ERC2: variants seen among roughly 807,000 people sequenced by gnomAD.
ERC2 encodes ELKS/RAB6-interacting/CAST family member 2.
In ERC2, 42 loss-of-function variants were observed where a neutral mutation model predicts 114.8. That is an observed-to-expected ratio of 0.37 (90% CI 0.29 to 0.47). ERC2 has a LOEUF of 0.47. ERC2 is among the 20% of genes least tolerant of loss of function. The pLI, the probability that ERC2 is intolerant of heterozygous loss-of-function variation, is 0.99. For missense variants in ERC2, 939 were observed against 1,150.7 expected (o/e 0.82, Z 2.66); for synonymous variants, 454 against 425.5 (o/e 1.07, Z -0.82).
intron 2 of ERC2, among the ~76,000 whole-genome samples, chr3:56,316,287 G>A (rs181641712): frequency 1.3e-4 from 20 of 152,278 alleles, no homozygotes; most frequent in African/African-American, 4.8e-4. Context: ...GGAAAGAATT[G>A]CAGGCTTTAT....
intron 16 of ERC2, among the ~76,000 whole-genome samples, chr3:55,696,891 G>A (rs938340677): frequency 2.6e-4 from 40 of 152,234 alleles, no homozygotes; most frequent in African/African-American, 9.4e-4. Flanking sequence ...AATTAAAAAA[G>A]TCTAGCAAAG....
At chr3:55,511,601 A>G (rs1213527306) in intron 17 of ERC2, among the ~76,000 whole-genome samples, 1 of 152,262 alleles carries the variant, frequency 6.6e-6, no homozygotes, top group Non-Finnish European at 1.5e-5. Context: ...GATTATTTCC[A>G]CATAATCGGA....
At chr3:56,115,941 C>T (rs987451031) in intron 6 of ERC2, among the ~76,000 whole-genome samples, 4 of 152,178 alleles carry the variant, frequency 2.6e-5, no homozygotes, top group Non-Finnish European at 5.9e-5. Context: ...AAGGACAGCC[C>T]TTAGGCCCCA....
chr3:55,835,882 G>C (rs1195934890), intron 14 of ERC2, among the ~76,000 whole-genome samples: 1 of 151,592 alleles, frequency 6.6e-6, no homozygotes, highest in African/African-American at 2.4e-5. Flanking sequence ...ATCTCCTTAA[G>C]CTGATAAGCA....
At chr3:56,022,887 T>C (rs2073815590) in intron 7 of ERC2, among the ~76,000 whole-genome samples, 1 of 152,118 alleles carries the variant, frequency 6.6e-6, no homozygotes, top group Non-Finnish European at 1.5e-5. Flanking sequence ...GCTGGGAAGA[T>C]TCAGAAGGAG....
intron 13 of ERC2, among the ~76,000 whole-genome samples, chr3:55,937,871 G>T (rs1448204824): frequency 1.3e-5 from 2 of 152,146 alleles, no homozygotes; most frequent in East Asian, 3.9e-4. Flanking sequence ...ACTCATAAAT[G>T]ACGGGAAGAA....
intron 3 of ERC2, among the ~76,000 whole-genome samples, chr3:56,240,358 TA>T (rs1459254618): frequency 6.6e-6 from 1 of 152,234 alleles, no homozygotes; most frequent in Non-Finnish European, 1.5e-5. Flanking sequence ...CTGAGATGTG[TA>T]AAATAACTAA....
intron 1 of ERC2, among the ~76,000 whole-genome samples, chr3:56,438,549 T>C (rs145013714): frequency 1.3e-5 from 2 of 151,260 alleles, no homozygotes; most frequent in South Asian, 4.2e-4. Context: ...ATAATAATGA[T>C]ATATACTTTT....
intron 2 of ERC2, among the ~76,000 whole-genome samples, chr3:56,393,828 C>A (rs1366291978): frequency 3.9e-5 from 6 of 152,138 alleles, no homozygotes; most frequent in Non-Finnish European, 8.8e-5. Context: ...CTGCCATAAG[C>A]CTCAGTGAAG....
At chr3:55,656,999 T>C (rs1383890029) in intron 17 of ERC2, among the ~76,000 whole-genome samples, 1 of 152,136 alleles carries the variant, frequency 6.6e-6, no homozygotes, top group African/African-American at 2.4e-5. Context: ...GTGGCTTTGA[T>C]GGAAAGAGTG....
At chr3:56,084,867 T>TTA (rs781460052) in intron 6 of ERC2, among the ~76,000 whole-genome samples, 1 of 133,042 alleles carries the variant, frequency 7.5e-6, no homozygotes, top group African/African-American at 2.9e-5. Context: ...ATTTAAAAAT[T>TTA]AAAAAAAAAA....
At chr3:56,451,743 T>C (rs2062836761) in intron 1 of ERC2, among the ~76,000 whole-genome samples, 1 of 152,226 alleles carries the variant, frequency 6.6e-6, no homozygotes, top group Non-Finnish European at 1.5e-5. Flanking sequence ...ATAATTCGGA[T>C]CTATTCAACA....
intron 14 of ERC2, among the ~76,000 whole-genome samples, chr3:55,861,158 T>C (rs2062011340): frequency 6.6e-6 from 1 of 152,246 alleles, no homozygotes; most frequent in African/African-American, 2.4e-5. Context: ...AGATCAAAAG[T>C]TGCTTTTCCC....
intron 17 of ERC2, among the ~76,000 whole-genome samples, chr3:55,588,028 A>G (rs180990661): frequency 1.3e-5 from 2 of 152,318 alleles, no homozygotes; most frequent in East Asian, 1.9e-4. Context: ...GACCAGACAC[A>G]TGAGTTGAAG....
At chr3:56,016,566 G>A (rs1303331595) in intron 8 of ERC2, among the ~76,000 whole-genome samples, 2 of 151,890 alleles carry the variant, frequency 1.3e-5, no homozygotes, top group African/African-American at 2.4e-5. Flanking sequence ...ACTTGCTAAA[G>A]TGCAGATTCC....
intron 12 of ERC2, among the ~76,000 whole-genome samples, chr3:55,972,242 C>T (rs1191524062): frequency 1.3e-5 from 2 of 152,146 alleles, no homozygotes; most frequent in East Asian, 3.8e-4. Flanking sequence ...GAAATGATAA[C>T]AAAATGCTTT....
intron 2 of ERC2, among the ~76,000 whole-genome samples, chr3:56,319,476 G>A (rs2057026636): frequency 6.6e-6 from 1 of 152,154 alleles, no homozygotes; most frequent in South Asian, 2.1e-4. Flanking sequence ...GCTAGGGGGA[G>A]GAGGCAACAG....
At chr3:56,251,227 C>G (rs1308862196) in intron 3 of ERC2, among the ~76,000 whole-genome samples, 1 of 152,050 alleles carries the variant, frequency 6.6e-6, no homozygotes, top group Non-Finnish European at 1.5e-5. Flanking sequence ...CAGAACAACC[C>G]AAATGTCCAG....
chr3:56,253,405 A>C (rs1178166501), intron 3 of ERC2, among the ~76,000 whole-genome samples: 1 of 152,220 alleles, frequency 6.6e-6, no homozygotes, highest in African/African-American at 2.4e-5. Flanking sequence ...TTTTCTAAAA[A>C]AGGGAGGAAT....
Sources: gnomAD v4.1 joint callset for allele counts (sites outside exome capture counted in the v4.1 genomes callset) on GRCh38, gnomAD v4.1.1 for gene constraint, MANE v1.5 for transcripts, NCBI Gene and HGNC (gene_info 2026-07-23, HGNC 2026-07-21) for gene names.